The following PAX5 variants were observed in gnomAD, a reference collection of about 807,000 sequenced individuals.
The protein encoded by PAX5 is paired box 5.
Under a neutral mutation model 43.7 loss-of-function variants are expected in PAX5, and 9 were observed. That is an observed-to-expected ratio of 0.21 (90% CI 0.12 to 0.36). The LOEUF is 0.36. PAX5 is among the 10% of genes least tolerant of loss of function. PAX5 has a pLI of 1.00. For synonymous variants in PAX5, 228 were observed against 214.3 expected, an observed-to-expected ratio of 1.06 and a Z score of -0.56; for missense variants, 383 against 532.7, an observed-to-expected ratio of 0.72 and a Z score of 2.77.
At chr9:36,947,677 CATTAT>C (rs917352988) in intron 6 of PAX5, among the ~76,000 whole-genome samples, 53 of 152,124 alleles carry the variant, frequency 3.5e-4, no homozygotes, top group African/African-American at 7.5e-4. Flanking sequence ...TATGATGTTT[CATTAT>C]ATTATATTTG....
intron 8 of PAX5, among the ~76,000 whole-genome samples, chr9:36,880,120 G>A (rs1195936560): frequency 6.6e-6 from 1 of 152,256 alleles, no homozygotes; most frequent in Non-Finnish European, 1.5e-5. Context: ...CAACCTGGAA[G>A]GCCAGGATCG....
rs886694693 is a variant in PAX5, at chr9:36,947,136, C to T, written c.780+19413G>A. ...GCCCATATAAATAAATATGCCTGTT[C>T]CTAAAATGATGTCCCTTATGGAAGC... On this transcript the variant is annotated intron_variant, in intron 6 of 9. Transcript: ENST00000358127. 5.9e-5 allele frequency among the ~76,000 whole-genome samples: 9 copies of T among 152,160 alleles called. No homozygotes were observed. The East Asian group carries it at 1.7e-3, about 29-fold the overall frequency.
chr9:36,976,529 A>AGGC (rs1012663167), intron 5 of PAX5, among the ~76,000 whole-genome samples: 3 of 152,198 alleles, frequency 2.0e-5, no homozygotes, highest in Non-Finnish European at 4.4e-5. Flanking sequence ...GAGGGTGGCC[A>AGGC]GGCTCTAAAT....
At chr9:36,863,250 A>T (rs946056441) in intron 8 of PAX5, among the ~76,000 whole-genome samples, 2 of 152,038 alleles carry the variant, frequency 1.3e-5, no homozygotes, top group East Asian at 3.9e-4. Context: ...TCTTTTTTTC[A>T]ATCTGTATTT....
At chr9:36,844,739 G>A (rs1246296789) in intron 9 of PAX5, among the ~76,000 whole-genome samples, 1 of 152,078 alleles carries the variant, frequency 6.6e-6, no homozygotes, top group Non-Finnish European at 1.5e-5. Flanking sequence ...AGCTTGAGTA[G>A]CAAAAGCCTT....
At chr9:36,989,975 T>C (rs937145873) in intron 5 of PAX5, among the ~76,000 whole-genome samples, 1 of 152,174 alleles carries the variant, frequency 6.6e-6, no homozygotes, top group Non-Finnish European at 1.5e-5. Context: ...GATATTTTGA[T>C]GAACAGGCAG....
At chr9:36,936,540 G>T (rs1831568742) in intron 6 of PAX5, among the ~76,000 whole-genome samples, 1 of 152,122 alleles carries the variant, frequency 6.6e-6, no homozygotes, top group Admixed American at 6.5e-5. Context: ...GGCCACAAAG[G>T]GGCCTGAATG....
chr9:36,867,639 C>G (rs1825028628), intron 8 of PAX5, among the ~76,000 whole-genome samples: 1 of 152,194 alleles, frequency 6.6e-6, no homozygotes, highest in Admixed American at 6.5e-5. Context: ...CATTTTTGGC[C>G]TGGGATTGCT....
chr9:36,876,152 C>T (rs1825892548), intron 8 of PAX5, among the ~76,000 whole-genome samples: 1 of 152,178 alleles, frequency 6.6e-6, no homozygotes, highest in African/African-American at 2.4e-5. Context: ...CCTCTCACTC[C>T]CCCTGTGGTG....
At chr9:36,998,200 C>T (rs12001337) in intron 5 of PAX5, among the ~76,000 whole-genome samples, 33,548 of 152,160 alleles carry the variant, frequency 0.22, 3,869 homozygotes, top group Admixed American at 0.31. Context: ...ATCTTACCTG[C>T]TGCTGAAGAA....
intron 7 of PAX5, among the ~76,000 whole-genome samples, chr9:36,889,573 T>C (rs115612105): frequency 6.6e-6 from 1 of 152,160 alleles, no homozygotes; most frequent in Non-Finnish European, 1.5e-5. Context: ...TGGACCCTTA[T>C]CCAAACGGAG....
chr9:36,864,632 C>T (rs1028636169), intron 8 of PAX5, among the ~76,000 whole-genome samples: 6 of 152,226 alleles, frequency 3.9e-5, no homozygotes, highest in East Asian at 1.9e-4. Flanking sequence ...TGGGCCTGAG[C>T]GTGGGCCAGC....
intron 6 of PAX5, 105 bp downstream of exon 6, chr9:36,966,444 C>T (rs1834442385): frequency 4.9e-6 from 6 of 1,217,996 alleles, no homozygotes; most frequent in Non-Finnish European, 7.0e-6. Context: ...TGAGCAGAAC[C>T]TGGTGTGCCC....
At chr9:36,982,718 C>G (rs372832154) in intron 5 of PAX5, among the ~76,000 whole-genome samples, 1 of 152,174 alleles carries the variant, frequency 6.6e-6, no homozygotes, top group African/African-American at 2.4e-5. Flanking sequence ...GAGCTTAGCA[C>G]CCATGGAGCG....
intron 8 of PAX5, 58 bp downstream of exon 8, chr9:36,881,946 C>A (rs913385985): frequency 8.0e-7 from 1 of 1,256,780 alleles, no homozygotes; most frequent in Non-Finnish European, 1.1e-6. Context: ...GGGGGGATGT[C>A]CCCCCACCGA....
At chr9:36,890,341 G>A (rs144612589) in intron 7 of PAX5, among the ~76,000 whole-genome samples, 1 of 152,344 alleles carries the variant, frequency 6.6e-6, no homozygotes, top group African/African-American at 2.4e-5. Context: ...TGGGGCAAGA[G>A]GTCCTGCCCA....
At chr9:36,842,034 T>C (rs956532513) in intron 9 of PAX5, among the ~76,000 whole-genome samples, 1 of 152,032 alleles carries the variant, frequency 6.6e-6, no homozygotes, top group Admixed American at 6.6e-5. Context: ...TGCTGCTCCC[T>C]CCCCATCACC....
intron 5 of PAX5, among the ~76,000 whole-genome samples, chr9:36,990,970 C>T (rs1028968078): frequency 3.9e-5 from 6 of 152,118 alleles, no homozygotes; most frequent in Non-Finnish European, 7.4e-5. Context: ...ATTAACCAGG[C>T]ATGGCGGTTC....
intron 7 of PAX5, among the ~76,000 whole-genome samples, chr9:36,905,464 C>T (rs1828735924): frequency 6.6e-6 from 1 of 152,188 alleles, no homozygotes; most frequent in Admixed American, 6.5e-5. Context: ...GGGATGAAGA[C>T]CTGTGAGCCT....
Sources: gnomAD v4.1 joint callset for allele counts (sites outside exome capture counted in the v4.1 genomes callset) on GRCh38, gnomAD v4.1.1 for gene constraint, MANE v1.5 for transcripts, NCBI Gene and HGNC (gene_info 2026-07-23, HGNC 2026-07-21) for gene names.